SETD5: variants seen among roughly 807,000 people sequenced by gnomAD.
SETD5 encodes SET domain containing 5, also known as histone-lysine N-methyltransferase SETD5.
Under a neutral mutation model 153.3 loss-of-function variants are expected in SETD5, and 44 were observed. That is an observed-to-expected ratio of 0.29 (90% CI 0.23 to 0.37). The LOEUF is 0.37. Ranked by LOEUF, SETD5 falls within the 10% of genes least tolerant of loss-of-function variation. The probability of loss-of-function intolerance (pLI) is 1.00; values close to 1 mark genes in which losing one functional copy is unlikely to be tolerated. For synonymous variants in SETD5, 716 were observed against 645.2 expected (o/e 1.11, Z -1.66); for missense variants, 1,544 against 1,768.0 (o/e 0.87, Z 2.27).
At position 9,415,691 on chromosome 3, in the gene SETD5, G is replaced by A. The variant is rs1462842642; in HGVS notation, c.-176-8776G>A. On this transcript the variant is annotated intron_variant, in intron 1 of 22. Transcript: ENST00000402198. ...AACTCTTAATTAGGCTCAAGGGATCGGGATCCTCCCACCTCAGCCTCTTAA... is the reference window on the plus strand; with the variant it reads ...AACTCTTAATTAGGCTCAAGGGATCAGGATCCTCCCACCTCAGCCTCTTAA... Among the ~76,000 whole-genome samples, 9 of 151,388 alleles carry A rather than the reference G, an allele frequency of 5.9e-5. No homozygotes were observed. In the East Asian group the frequency reaches 7.8e-4, roughly 13 times the overall value.
chr3:9,463,771 G>A (rs1346174721), intron 17 of SETD5, among the ~76,000 whole-genome samples: 1 of 152,180 alleles, frequency 6.6e-6, no homozygotes, highest in Non-Finnish European at 1.5e-5. Context: ...ACCTTTAGTT[G>A]GTGATATAGC....
intron 1 of SETD5, among the ~76,000 whole-genome samples, chr3:9,410,641 A>G (rs2036419788): frequency 6.6e-6 from 1 of 152,174 alleles, no homozygotes; most frequent in Non-Finnish European, 1.5e-5. Context: ...GTTAGACTCA[A>G]CAGAGTCATC....
chr3:9,465,425 A>G (rs1475880140), intron 18 of SETD5, among the ~76,000 whole-genome samples: 1 of 152,206 alleles, frequency 6.6e-6, no homozygotes, highest in African/African-American at 2.4e-5. Context: ...CATCTATTGC[A>G]TGTTACTTTG....
At chr3:9,454,676 C>A (rs1168626680) in intron 17 of SETD5, among the ~76,000 whole-genome samples, 3 of 121,904 alleles carry the variant, frequency 2.5e-5, no homozygotes, top group Non-Finnish European at 5.3e-5. Context: ...AGCTTTAAAT[C>A]TAAAGTCTTT....
Position 9,423,713 on chromosome 3 carries a change from C to T in SETD5, c.-176-754C>T, listed in dbSNP as rs1329368348. 2.6e-5 allele frequency among the ~76,000 whole-genome samples: 4 copies of T among 152,040 alleles called. No homozygotes were observed. The South Asian group carries it at 6.2e-4, about 24-fold the overall frequency. ...AACATCAACATAAATGAAATGCATG[C>T]GTTCTAATGCTTGGTAACTGGAATC... On this transcript the variant is annotated intron_variant, in intron 1 of 22. Coordinates refer to ENST00000402198, the MANE Select transcript of SETD5 (RefSeq NM_001080517.3).
intron 10 of SETD5, chr3:9,443,057 G>A (rs1242336777): frequency 8.5e-6 from 3 of 354,514 alleles, no homozygotes; most frequent in Non-Finnish European, 1.6e-5. Flanking sequence ...AGATGTGAAA[G>A]TAGAGATTTT....
chr3:9,439,200 C>T lies in SETD5; in HGVS notation c.568-1256C>T, dbSNP rs117371861. Among the ~76,000 whole-genome samples, 212 of 152,300 alleles carry T rather than the reference C, an allele frequency of 1.4e-3. 7 individuals carry two copies. The East Asian group carries it at 0.025, about 18-fold the overall frequency. On this transcript the variant is annotated intron_variant, in intron 7 of 22. Coordinates refer to ENST00000402198, the MANE Select transcript of SETD5 (RefSeq NM_001080517.3). Reference sequence around the variant, plus strand: ...TGCTACTGATGTCAAGCAGGCGATACTCTGATTGTCAGTATGTTGGCTTTA... The same window carrying T: ...TGCTACTGATGTCAAGCAGGCGATATTCTGATTGTCAGTATGTTGGCTTTA...
At chr3:9,431,704 C>G (rs1269486556) in intron 3 of SETD5, 11 of 985,714 alleles carry the variant, frequency 1.1e-5, no homozygotes, top group Non-Finnish European at 1.3e-5. Context: ...TTTTTATTCC[C>G]TAGACTTGCA....
intron 1 of SETD5, among the ~76,000 whole-genome samples, chr3:9,404,620 CCAGA>C (rs1483327334): frequency 6.6e-6 from 1 of 152,138 alleles, no homozygotes; most frequent in Non-Finnish European, 1.5e-5. Context: ...AGTCTCCATA[CCAGA>C]CAGTTTTCTC....
At chr3:9,471,405 C>T (rs1019970349) in intron 19 of SETD5, among the ~76,000 whole-genome samples, 1 of 152,194 alleles carries the variant, frequency 6.6e-6, no homozygotes, top group South Asian at 2.1e-4. Flanking sequence ...CAGCAGGTTA[C>T]TGATTTAACT....
chr3:9,455,168 CTTTTT>C (rs903600741), intron 17 of SETD5, among the ~76,000 whole-genome samples: 19 of 99,900 alleles, frequency 1.9e-4, no homozygotes, highest in African/African-American at 5.1e-4. Context: ...TTCTTTTTTT[CTTTTT>C]TTTTTTTTTT....
intron 1 of SETD5, among the ~76,000 whole-genome samples, chr3:9,409,954 G>GA (rs1008452935): frequency 4.6e-5 from 7 of 152,154 alleles, no homozygotes; most frequent in Non-Finnish European, 8.8e-5. Context: ...ATGATTACTG[G>GA]AAAGTGGCTT....
At chr3:9,459,278 A>C (rs1425013413) in intron 17 of SETD5, among the ~76,000 whole-genome samples, 1 of 152,170 alleles carries the variant, frequency 6.6e-6, no homozygotes, top group African/African-American at 2.4e-5. Context: ...AAATAATCTG[A>C]ATTCCAACCC....
intron 17 of SETD5, among the ~76,000 whole-genome samples, chr3:9,458,313 TA>T (rs2043511478): frequency 6.6e-6 from 1 of 152,126 alleles, no homozygotes; most frequent in Non-Finnish European, 1.5e-5. Context: ...CAAATATATA[TA>T]TTTTTTTAAT....
At chr3:9,425,432 A>C (rs1450705124) in intron 2 of SETD5, among the ~76,000 whole-genome samples, 2 of 152,166 alleles carry the variant, frequency 1.3e-5, no homozygotes, top group Non-Finnish European at 1.5e-5. Flanking sequence ...TAGTGAATGT[A>C]GCAATCATTT....
chr3:9,451,962 A>G (rs890905107), intron 16 of SETD5, among the ~76,000 whole-genome samples: 3 of 152,216 alleles, frequency 2.0e-5, no homozygotes, highest in Non-Finnish European at 2.9e-5. Context: ...TTAACTTATT[A>G]TCCATGAGGT....
chr3:9,431,578 G>A, intron 3 of SETD5: 4 of 985,682 alleles, frequency 4.1e-6, no homozygotes, highest in South Asian at 9.4e-5. Context: ...TTCTTCATCA[G>A]AAGATATGAG....
At chr3:9,462,542 G>A (rs1258108511) in intron 17 of SETD5, among the ~76,000 whole-genome samples, 15 of 148,830 alleles carry the variant, frequency 1.0e-4, no homozygotes, top group African/African-American at 2.5e-4. Flanking sequence ...AGCCGAGATC[G>A]TGCCGCTGCA....
chr3:9,475,701 A>T lies in SETD5; in HGVS notation c.3939A>T (p.Pro1313=). ...CTGTGTCCACAGACTCGTTGGCCCC[A>T]TTTACGGGGACACCAGGGTATTTTA... ...AHPVSTDSLA[P]FTGTPGYFSS... The change falls in exon 23 of 23, where the codon CCA becomes CCT. Residue 1313 remains proline, a synonymous_variant. Transcript: ENST00000402198. 2 of 1,613,812 alleles carry T rather than the reference A, an allele frequency of 1.2e-6. No individual in the cohort carries two copies. The highest frequency in any genetic ancestry group is 1.7e-6 in the Non-Finnish European group (2 of 1,179,846).
Sources: allele counts gnomAD v4.1 joint callset (sites outside exome capture counted in the v4.1 genomes callset), GRCh38; gene constraint gnomAD v4.1.1; transcripts MANE v1.5; gene names NCBI Gene and HGNC (gene_info 2026-07-23, HGNC 2026-07-21).